SLC7A8: variants seen among roughly 807,000 people sequenced by gnomAD.
SLC7A8 encodes the protein solute carrier family 7 member 8.
A neutral mutation model predicts 51.2 loss-of-function variants in SLC7A8; 30 were observed. The observed-to-expected ratio is 0.59, with a 90% CI of 0.44 to 0.80. SLC7A8 has a LOEUF of 0.80. SLC7A8 is among the 30% of genes least tolerant of loss of function. The pLI is 0.00. For synonymous variants in SLC7A8, 257 were observed against 275.8 expected (o/e 0.93, Z 0.67); for missense variants, 612 against 674.4 (o/e 0.91, Z 1.03).
chr14:23,182,798 C>A lies in SLC7A8; in HGVS notation c.117G>T (p.Glu39Asp). The part of the protein sequence containing the change: ...SGGGGVALKK[E>D]IGLVSACGII... ...TACCACAGGCACTGACCAATCCGAT[C>A]TCTTTCTTCAGGGCTACTCCGCCCC... Residue 39 changes from glutamate to aspartate, a missense_variant, in exon 1 of 11, where the codon GAG becomes GAT. Physicochemically the swap from Glu to Asp is conservative, Grantham distance 45 (BLOSUM62 2). Transcript: ENST00000316902. 1 of 1,609,306 alleles carries A rather than the reference C, an allele frequency of 6.2e-7. No homozygotes were observed. The highest frequency in any genetic ancestry group is 8.5e-7 in the Non-Finnish European group (1 of 1,178,196).
At chr14:23,178,977 T>A (rs552481424) in intron 1 of SLC7A8, among the ~76,000 whole-genome samples, 1 of 151,456 alleles carries the variant, frequency 6.6e-6, no homozygotes, top group East Asian at 1.9e-4. Flanking sequence ...ATCAAGGAGA[T>A]GGGACTACAG....
At chr14:23,164,656 TA>T (rs1480360184) in intron 3 of SLC7A8, among the ~76,000 whole-genome samples, 2 of 151,542 alleles carry the variant, frequency 1.3e-5, no homozygotes, top group East Asian at 3.9e-4. Context: ...AATCCATTCA[TA>T]AAAAACACAC....
At chr14:23,149,699 C>G (rs1401826300) in intron 3 of SLC7A8, among the ~76,000 whole-genome samples, 1 of 152,208 alleles carries the variant, frequency 6.6e-6, no homozygotes, top group African/African-American at 2.4e-5. Flanking sequence ...CTGTATCCTT[C>G]CGGGCTCAGT....
intron 1 of SLC7A8, among the ~76,000 whole-genome samples, chr14:23,180,301 A>G (rs959221412): frequency 2.0e-5 from 3 of 152,072 alleles, no homozygotes; most frequent in African/African-American, 4.8e-5. Flanking sequence ...CTATTTTTGC[A>G]TTTGGTCTTG....
intron 7 of SLC7A8, among the ~76,000 whole-genome samples, chr14:23,135,292 T>C (rs1480466226): frequency 6.6e-6 from 1 of 151,568 alleles, no homozygotes; most frequent in Non-Finnish European, 1.5e-5. Context: ...GGTTTCATTA[T>C]ATTGGCTAGG....
At chr14:23,163,092 C>G (rs116810212) in intron 3 of SLC7A8, among the ~76,000 whole-genome samples, 2 of 152,174 alleles carry the variant, frequency 1.3e-5, no homozygotes, top group Non-Finnish European at 2.9e-5. Flanking sequence ...CGCTCTTCCC[C>G]GCTCCCCATC....
intron 4 of SLC7A8, among the ~76,000 whole-genome samples, chr14:23,142,179 AG>A (rs1206017542): frequency 9.2e-5 from 14 of 152,224 alleles, no homozygotes; most frequent in Non-Finnish European, 2.1e-4. Context: ...CACTGCCTTC[AG>A]GGCTTGTGGG....
At chr14:23,164,640 A>G (rs746875804) in intron 3 of SLC7A8, among the ~76,000 whole-genome samples, 2 of 151,508 alleles carry the variant, frequency 1.3e-5, no homozygotes, top group Non-Finnish European at 2.9e-5. Context: ...AGACAATTGT[A>G]TGCAGAATCC....
chr14:23,141,820 C>T (rs2048748454), intron 4 of SLC7A8, among the ~76,000 whole-genome samples: 1 of 152,188 alleles, frequency 6.6e-6, no homozygotes, highest in Admixed American at 6.5e-5. Flanking sequence ...ACTGCCTTCC[C>T]AGCCCCCCTA....
At chr14:23,179,752 C>G (rs569148421) in intron 1 of SLC7A8, among the ~76,000 whole-genome samples, 1 of 151,820 alleles carries the variant, frequency 6.6e-6, no homozygotes, top group Non-Finnish European at 1.5e-5. Context: ...GAGGCTGCAG[C>G]GATGCAGTGA....
chr14:23,147,527 C>G (rs939529059), intron 3 of SLC7A8, among the ~76,000 whole-genome samples: 1 of 152,176 alleles, frequency 6.6e-6, no homozygotes, highest in African/African-American at 2.4e-5. Flanking sequence ...AATTTATAAT[C>G]CTGGTCCAAC....
intron 1 of SLC7A8, among the ~76,000 whole-genome samples, chr14:23,176,941 CAA>C (rs10633003): frequency 5.1e-4 from 37 of 72,846 alleles, no homozygotes; most frequent in African/African-American, 1.1e-3. Flanking sequence ...GACTCTGTCT[CAA>C]AAAAAAAAAA....
chr14:23,134,175 A>G (rs2048666340), intron 7 of SLC7A8, among the ~76,000 whole-genome samples: 1 of 152,182 alleles, frequency 6.6e-6, no homozygotes, highest in South Asian at 2.1e-4. Context: ...TGGGTGGTGA[A>G]ATTATGGTTA....
chr14:23,139,394 G>GTA (rs1351052672), intron 6 of SLC7A8, 30 bp downstream of exon 6: 1 of 1,613,444 alleles, frequency 6.2e-7, no homozygotes, highest in South Asian at 1.1e-5. Flanking sequence ...TGCATTCCTG[G>GTA]TATGAGACTC....
At chr14:23,139,615 G>A in intron 5 of SLC7A8, 68 bp from the exon 6 acceptor site, 1 of 1,551,494 alleles carries the variant, frequency 6.4e-7, no homozygotes, top group Non-Finnish European at 8.7e-7. Flanking sequence ...TGGAGTCCAG[G>A]GGGTGTCTTC....
At chr14:23,154,189 C>A (rs745817833) in intron 3 of SLC7A8, 19 of 957,066 alleles carry the variant, frequency 2.0e-5, no homozygotes, top group Middle Eastern at 5.4e-4. Flanking sequence ...TGGAGCTCCC[C>A]AGCCCTCTGA....
At chr14:23,131,599 A>G in intron 7 of SLC7A8, 42 bp from the exon 8 acceptor site, 3 of 1,488,050 alleles carry the variant, frequency 2.0e-6, no homozygotes, top group Non-Finnish European at 2.7e-6. Context: ...TAACCCAGGG[A>G]CCACCAAGCC....
At chr14:23,166,578 G>A in intron 1 of SLC7A8, 38 bp from the exon 2 acceptor site, 1 of 1,608,140 alleles carries the variant, frequency 6.2e-7, no homozygotes. Flanking sequence ...GGAGACAGTA[G>A]AGACAGGACG....
chr14:23,155,126 A>T (rs2048882225), intron 3 of SLC7A8: 1 of 1,520,806 alleles, frequency 6.6e-7, no homozygotes. Context: ...CGATAGTAAC[A>T]TTTCCCCTTC....
Sources: gnomAD v4.1 joint callset for allele counts (sites outside exome capture counted in the v4.1 genomes callset) on GRCh38, gnomAD v4.1.1 for gene constraint, MANE v1.5 for transcripts, NCBI Gene and HGNC (gene_info 2026-07-23, HGNC 2026-07-21) for gene names.